PARD3B: variants seen among roughly 807,000 people sequenced by gnomAD.
The protein encoded by PARD3B is par-3 family cell polarity regulator beta.
Under a neutral mutation model 130.2 loss-of-function variants are expected in PARD3B, and 103 were observed. The ratio of observed to expected loss-of-function variants is 0.79; its 90% CI spans 0.67 to 0.93. The LOEUF is 0.93. Among genes scored for constraint, PARD3B ranks in the 40% least tolerant of loss-of-function variants. The probability of loss-of-function intolerance (pLI) is 0.00; values close to 1 mark genes in which losing one functional copy is unlikely to be tolerated. For synonymous variants in PARD3B, 583 were observed against 553.2 expected, an observed-to-expected ratio of 1.05 and a Z score of -0.76; for missense variants, 1,609 against 1,499.2, an observed-to-expected ratio of 1.07 and a Z score of -1.21.
intron 21 of PARD3B, among the ~76,000 whole-genome samples, chr2:205,501,249 G>C (rs375694320): frequency 2.6e-5 from 4 of 152,218 alleles, no homozygotes; most frequent in Non-Finnish European, 5.9e-5. Context: ...GAAGTGCACA[G>C]TGCAGATGGG....
At chr2:204,980,386 G>T (rs1692559025) in intron 3 of PARD3B, among the ~76,000 whole-genome samples, 1 of 152,168 alleles carries the variant, frequency 6.6e-6, no homozygotes, top group Non-Finnish European at 1.5e-5. Context: ...TTAGAGGTAA[G>T]GGTAGGAGTT....
At chr2:204,703,379 G>A (rs2037985946) in intron 2 of PARD3B, among the ~76,000 whole-genome samples, 1 of 152,176 alleles carries the variant, frequency 6.6e-6, no homozygotes, top group African/African-American at 2.4e-5. Context: ...TAAATAAGAT[G>A]CTTCTTGTTA....
intron 18 of PARD3B, among the ~76,000 whole-genome samples, chr2:205,394,772 T>C (rs1015733073): frequency 6.6e-6 from 1 of 152,238 alleles, no homozygotes; most frequent in Non-Finnish European, 1.5e-5. Context: ...CCCACTTATA[T>C]GAATTTCACA....
chr2:205,517,525 A>AGCCTATCTATCTTACT (rs2050842712), intron 21 of PARD3B, among the ~76,000 whole-genome samples: 1 of 152,104 alleles, frequency 6.6e-6, no homozygotes, highest in Admixed American at 6.6e-5. Flanking sequence ...TTTTTCAAAA[A>AGCCTATCTATCTTACT]AACAACTTCT....
intron 11 of PARD3B, among the ~76,000 whole-genome samples, chr2:205,165,513 A>C (rs1446658969): frequency 2.0e-5 from 3 of 151,992 alleles, no homozygotes; most frequent in Admixed American, 6.5e-5. Flanking sequence ...AGTCAGGCTT[A>C]TTACAATAAG....
intron 2 of PARD3B, among the ~76,000 whole-genome samples, chr2:204,923,836 G>A (rs1378937367): frequency 6.6e-6 from 1 of 151,988 alleles, no homozygotes; most frequent in Non-Finnish European, 1.5e-5. Flanking sequence ...ACACAGAGGT[G>A]ATTGTGATTC....
At chr2:205,262,644 A>T (rs980041051) in intron 16 of PARD3B, among the ~76,000 whole-genome samples, 1 of 151,986 alleles carries the variant, frequency 6.6e-6, no homozygotes, top group Non-Finnish European at 1.5e-5. Context: ...AAAGACAACG[A>T]TTTTCTTGTG....
intron 2 of PARD3B, among the ~76,000 whole-genome samples, chr2:204,909,178 T>C (rs915121702): frequency 2.0e-5 from 3 of 152,166 alleles, no homozygotes; most frequent in Admixed American, 2.0e-4. Context: ...TGTCAAGATA[T>C]TAAATTTGTA....
At chr2:204,658,807 C>T (rs1192144381) in intron 1 of PARD3B, among the ~76,000 whole-genome samples, 1 of 152,104 alleles carries the variant, frequency 6.6e-6, no homozygotes, top group Non-Finnish European at 1.5e-5. Flanking sequence ...ACTTTTATTT[C>T]CAGGGTACAA....
chr2:204,868,689 C>G (rs1392044368), intron 2 of PARD3B, among the ~76,000 whole-genome samples: 1 of 152,094 alleles, frequency 6.6e-6, no homozygotes, highest in Non-Finnish European at 1.5e-5. Context: ...TTTTTACTGT[C>G]GTTGTCATAA....
intron 20 of PARD3B, among the ~76,000 whole-genome samples, chr2:205,495,152 A>G (rs748837822): frequency 6.6e-6 from 1 of 152,198 alleles, no homozygotes; most frequent in Non-Finnish European, 1.5e-5. Context: ...AGAAAATGAC[A>G]TGGTTTCTGA....
chr2:205,233,917 A>G (rs2038953014), intron 15 of PARD3B, among the ~76,000 whole-genome samples: 1 of 152,232 alleles, frequency 6.6e-6, no homozygotes, highest in Admixed American at 6.5e-5. Context: ...AAAAAATCAT[A>G]CACTGAACCA....
chr2:205,057,607 G>GTATGTGTATACGTATATACATACATA (rs1553605803), intron 4 of PARD3B, among the ~76,000 whole-genome samples: 1 of 68,470 alleles, frequency 1.5e-5, no homozygotes, highest in Non-Finnish European at 2.9e-5. Flanking sequence ...ACATATATGT[G>GTATGTGTATACGTATATACATACATA]TATGTGTATG....
At chr2:204,629,268 T>C (rs1419001830) in intron 1 of PARD3B, among the ~76,000 whole-genome samples, 1 of 152,154 alleles carries the variant, frequency 6.6e-6, no homozygotes, top group African/African-American at 2.4e-5. Flanking sequence ...AGCAATAAAA[T>C]TAGCTTTCCA....
chr2:204,721,063 C>CT (rs2038973640), intron 2 of PARD3B, among the ~76,000 whole-genome samples: 1 of 152,222 alleles, frequency 6.6e-6, no homozygotes, highest in East Asian at 1.9e-4. Context: ...GTGGTCATAA[C>CT]TTAGTCATGA....
intron 20 of PARD3B, among the ~76,000 whole-genome samples, chr2:205,451,016 G>C (rs931213917): frequency 6.6e-6 from 1 of 152,184 alleles, no homozygotes; most frequent in African/African-American, 2.4e-5. Flanking sequence ...TCCCAGAAGA[G>C]CTGTCAATAA....
At chr2:205,378,417 AAAG>A (rs2045157599) in intron 18 of PARD3B, among the ~76,000 whole-genome samples, 1 of 152,248 alleles carries the variant, frequency 6.6e-6, no homozygotes, top group South Asian at 2.1e-4. Context: ...GGAAGGGAAA[AAAG>A]AAGAAAGTTT....
chr2:205,434,239 A>T (rs1474798773), intron 19 of PARD3B, among the ~76,000 whole-genome samples: 2 of 152,166 alleles, frequency 1.3e-5, no homozygotes, highest in Non-Finnish European at 2.9e-5. Flanking sequence ...ATGATGTATG[A>T]TACATTTTTC....
intron 1 of PARD3B, among the ~76,000 whole-genome samples, chr2:204,621,407 C>A (rs1392265209): frequency 1.3e-5 from 2 of 152,068 alleles, no homozygotes; most frequent in African/African-American, 4.8e-5. Context: ...TTAATAAGTT[C>A]TATAAACTTA....
Sources: allele counts gnomAD v4.1 joint callset (sites outside exome capture counted in the v4.1 genomes callset), GRCh38; gene constraint gnomAD v4.1.1; transcripts MANE v1.5; gene names NCBI Gene and HGNC (gene_info 2026-07-23, HGNC 2026-07-21).